The following FIBP variants were observed in gnomAD, a reference collection of about 807,000 sequenced individuals.
FIBP encodes FGF1 intracellular binding protein.
FIBP carries 29 observed loss-of-function variants against 40.5 expected under a neutral mutation model. The observed-to-expected ratio is 0.72, with a 90% CI of 0.53 to 0.98. The LOEUF is 0.98. Among genes scored for constraint, FIBP ranks in the 50% least tolerant of loss-of-function variants. FIBP has a pLI of 0.00. For synonymous variants in FIBP, 215 were observed against 191.1 expected (o/e 1.13, Z -1.03); for missense variants, 411 against 470.2 (o/e 0.87, Z 1.16).
chr11:65,886,057 C>T (rs879761701), intron 4 of FIBP: 10 of 468,906 alleles, frequency 2.1e-5, no homozygotes, highest in African/African-American at 5.9e-5. Flanking sequence ...GTAATCCCAG[C>T]TACTCGGGAG....
Position 65,884,670 on chromosome 11 carries a change from A to G in FIBP, c.820-14T>C, listed in dbSNP as rs1860183724. ...CCGGGACAGGTTCTGTGGGGCAGGG[A>G]TCCTTGGAGCTCTGCTTTCTGCCCC... On this transcript the variant is annotated splice_polypyrimidine_tract_variant and intron_variant, in intron 7 of 9. Coordinates refer to ENST00000357519, the MANE Select transcript of FIBP (RefSeq NM_004214.5). 1.2e-6 allele frequency: 2 copies of G among 1,613,160 alleles called. No homozygotes were observed. Among genetic ancestry groups the G allele is most frequent in the Non-Finnish European group, 8.5e-7 (1 of 1,179,320 alleles).
Position 65,885,522 on chromosome 11 carries a change from G to A in FIBP, c.646+8C>T, listed in dbSNP as rs754719883. On this transcript the variant is annotated splice_region_variant and intron_variant, in intron 5 of 9. Coordinates refer to ENST00000357519, the MANE Select transcript of FIBP (RefSeq NM_004214.5). ...GCGTCCAGGCACCTGGGTCAGTGGGGGCCTCACCGACGGCTCCAAGGGTCC... is the reference window on the plus strand; with the variant it reads ...GCGTCCAGGCACCTGGGTCAGTGGGAGCCTCACCGACGGCTCCAAGGGTCC... 3.1e-6 allele frequency: 5 copies of A among 1,612,556 alleles called. No homozygotes were observed. The highest frequency in any genetic ancestry group is 1.7e-4 in the Middle Eastern group (1 of 5,982).
At chr11:65,885,277 C>G in intron 5 of FIBP, 91 bp from the exon 6 acceptor site, 1 of 1,132,056 alleles carries the variant, frequency 8.8e-7, no homozygotes, top group Non-Finnish European at 1.3e-6. Context: ...TATTTCCCCC[C>G]TGGGGACAAA....
At chr11:65,887,866 G>A in intron 2 of FIBP, 68 bp downstream of exon 2, 1 of 1,591,590 alleles carries the variant, frequency 6.3e-7, no homozygotes, top group East Asian at 2.2e-5. Flanking sequence ...CCCTGGGCCT[G>A]TTTCAGCCGG....
intron 7 of FIBP, 62 bp downstream of exon 7, chr11:65,884,873 G>A (rs1198829735): frequency 6.3e-7 from 1 of 1,586,592 alleles, no homozygotes; most frequent in African/African-American, 1.3e-5. Flanking sequence ...GAGCTGCCCG[G>A]TAGGGGTGGC....
chr11:65,884,516 CTT>C (rs1860177609), intron 8 of FIBP, 27 bp from the exon 9 acceptor site: 1 of 1,614,000 alleles, frequency 6.2e-7, no homozygotes, highest in Non-Finnish European at 8.5e-7. Context: ...ATACTTAGCA[CTT>C]GTATAGGCCA....
At chr11:65,886,190 AGTAC>A in intron 4 of FIBP, 128 bp downstream of exon 4, 2 of 502,912 alleles carry the variant, frequency 4.0e-6, no homozygotes, top group Non-Finnish European at 7.0e-6. Context: ...AAAAAAAAAA[AGTAC>A]AGACCAAAAG....
At position 65,888,420 on chromosome 11, in the gene FIBP, G is replaced by T; in HGVS notation, c.-2C>A. 6.4e-7 allele frequency: 1 copy of T among 1,562,420 alleles called. No individual in the cohort carries two copies. Among genetic ancestry groups the T allele is most frequent in the African/African-American group, 1.4e-5 (1 of 73,746 alleles). ...GAAGATGTCCAGCTCACTGGTCATG[G>T]CGACGCCCGGGGCCGCAGCGCCCCG... is the stretch of plus-strand genomic sequence containing the variant. On this transcript the variant is annotated 5_prime_UTR_variant, in exon 1 of 10. Coordinates refer to ENST00000357519, the MANE Select transcript of FIBP (RefSeq NM_004214.5).
At chr11:65,884,186 C>A in intron 9 of FIBP, 143 bp from the exon 10 acceptor site, 1 of 781,428 alleles carries the variant, frequency 1.3e-6, no homozygotes, top group Non-Finnish European at 2.1e-6. Context: ...CTAGTTTGTA[C>A]ATGAGGAAAC....
intron 3 of FIBP, 46 bp from the exon 4 acceptor site, chr11:65,886,468 C>T: frequency 7.8e-7 from 1 of 1,283,842 alleles, no homozygotes; most frequent in Non-Finnish European, 1.1e-6. Context: ...AGAGTGTACA[C>T]TGTGTCGCTC....
Position 65,885,739 on chromosome 11 carries a change from C to T in FIBP, c.513-76G>A, listed in dbSNP as rs1860218689. 5 of 1,442,444 alleles carry T rather than the reference C, an allele frequency of 3.5e-6. No individual in the cohort carries two copies. In the South Asian group the frequency reaches 6.5e-5, roughly 19 times the overall value. 89.4% of individuals were successfully genotyped at this position (1,442,444 alleles called of 1,614,324 possible). On this transcript the variant is annotated intron_variant, in intron 4 of 9. Transcript: ENST00000357519. ...AAGCAGCTCCCACCTGCAACCTCAG[C>T]TGGGTGTCCGAGTTCTGGCCTCTCT... is the stretch of plus-strand genomic sequence containing the variant.
Position 65,884,920 on chromosome 11 carries a change from G to C in FIBP, c.819+15C>G, listed in dbSNP as rs762334947. The C allele has an allele frequency of 1.1e-5, 17 of 1,613,866 alleles. No individual in the cohort carries two copies. The highest frequency in any genetic ancestry group is 1.4e-5 in the Non-Finnish European group (16 of 1,179,836). ...TGAAGATGCCAAGGGTCAGAGGCTG[G>C]ATGGGACCACAGACCTTGAAGTTGG... On this transcript the variant is annotated intron_variant, in intron 7 of 9. Transcript: ENST00000357519.
chr11:65,885,582 G>A lies in FIBP; in HGVS notation c.594C>T (p.Asp198=). The part of the protein sequence containing the change: ...KKKLQYLSFG[D]FAFCAELMIQ... ...TCATGAGCTCAGCGCAGAAGGCAAA[G>A]TCACCGAAGCTCAGATACTGCAGTT... Residue 198 remains aspartate (D), a synonymous_variant, in exon 5 of 10, where the codon GAC becomes GAT. Coordinates refer to ENST00000357519, the MANE Select transcript of FIBP (RefSeq NM_004214.5). 1 of 1,614,232 alleles carries A rather than the reference G, an allele frequency of 6.2e-7. No individual in the cohort carries two copies. The highest frequency in any genetic ancestry group is 8.5e-7 in the Non-Finnish European group (1 of 1,180,034).
At chr11:65,884,531 G>A (rs750183871) in intron 8 of FIBP, 39 bp downstream of exon 8, 4 of 1,614,014 alleles carry the variant, frequency 2.5e-6, no homozygotes, top group Admixed American at 3.3e-5. Flanking sequence ...ATAGGCCAGG[G>A]ACAGACCAGG....
intron 3 of FIBP, chr11:65,886,783 A>G (rs947679866): frequency 1.6e-5 from 3 of 190,174 alleles, no homozygotes; most frequent in African/African-American, 4.7e-5. Context: ...CTATAAACAG[A>G]AAGCTCACAG....
rs1860155355 is a variant in FIBP, at chr11:65,883,851, C to G, written c.*123G>C. On this transcript the variant is annotated 3_prime_UTR_variant, in exon 10 of 10. Transcript: ENST00000357519. ...ACACATCCATCCTTGTACACGGACA[C>G]CAGGTGCTCAGAGACAGACACAGGC... 6 of 856,140 alleles carry G rather than the reference C, an allele frequency of 7.0e-6. No individual in the cohort carries two copies. The South Asian group carries it at 7.9e-5, about 11-fold the overall frequency. The allele number at this position is 856,140 out of a possible 1,614,324, so 53.0% of individuals were successfully genotyped here. A position where few individuals can be genotyped will look rare whatever the true frequency, so the allele number is the denominator to read the frequency against.
chr11:65,887,252 C>G, intron 3 of FIBP: 1 of 362,172 alleles, frequency 2.8e-6, no homozygotes, highest in South Asian at 2.2e-5. Flanking sequence ...TCAAGACAAG[C>G]CTGGCCAACA....
rs758927856 is a variant in FIBP at position 65,887,628 on chromosome 11, C to A, written c.383G>T (p.Gly128Val). Residue 128 changes from glycine (G) to valine (V), a missense_variant, in exon 3 of 10, where the codon GGC becomes GTC. By Grantham distance (109) the Gly-to-Val change is moderately radical. Transcript: ENST00000357519. ...TCTCCGGCAGCTCTTGAGGGTGATG[C>A]CTGTTTTGGTGCTGATGTCATCCAG... ...KDLDDISTKT[G>V]ITLKSCRRQF... 2 of 1,614,068 alleles carry A rather than the reference C, an allele frequency of 1.2e-6. No homozygotes were observed. The highest frequency in any genetic ancestry group is 1.7e-6 in the Non-Finnish European group (2 of 1,180,010).
Position 65,884,383 on chromosome 11 carries a change from G to T in FIBP, c.1004+9C>A. ...AAGCCAAGCTGGACAGGAGGACAGG[G>T]CTGCTCACCGGAAGCCATCGAGGGA... On this transcript the variant is annotated intron_variant, in intron 9 of 9. Transcript: ENST00000357519. 1.2e-6 allele frequency: 2 copies of T among 1,612,526 alleles called. No homozygotes were observed. Among genetic ancestry groups the T allele is most frequent in the Non-Finnish European group, 1.7e-6 (2 of 1,178,954 alleles).
Sources: allele counts gnomAD v4.1 joint callset, GRCh38; gene constraint gnomAD v4.1.1; transcripts MANE v1.5; gene names NCBI Gene and HGNC (gene_info 2026-07-23, HGNC 2026-07-21).